The following SNX14 variants were observed in gnomAD, a reference collection of about 807,000 sequenced individuals.
The protein encoded by SNX14 is sorting nexin-14.
A neutral mutation model predicts 133.8 loss-of-function variants in SNX14; 93 were observed. The ratio of observed to expected loss-of-function variants is 0.70; its 90% CI spans 0.59 to 0.83. The LOEUF is 0.83. Ranked by LOEUF, SNX14 falls within the 40% of genes least tolerant of loss-of-function variation. The pLI is 0.00. For missense variants in SNX14, 945 were observed against 1,094.9 expected (o/e 0.86, Z 1.93); for synonymous variants, 368 against 365.6 (o/e 1.01, Z -0.07).
chr6:85,568,997 C>T (rs1465207690), intron 4 of SNX14, among the ~76,000 whole-genome samples: 1 of 150,876 alleles, frequency 6.6e-6, no homozygotes, highest in Non-Finnish European at 1.5e-5. Flanking sequence ...CGGAGTTTCA[C>T]TCTTCTTGCC....
intron 7 of SNX14, among the ~76,000 whole-genome samples, chr6:85,554,698 T>C (rs1789052260): frequency 6.6e-6 from 1 of 152,198 alleles, no homozygotes; most frequent in Non-Finnish European, 1.5e-5. Flanking sequence ...TCTAGCATTT[T>C]AGGGTGACTT....
chr6:85,540,583 G>A (rs990252550), intron 15 of SNX14, among the ~76,000 whole-genome samples: 1 of 152,106 alleles, frequency 6.6e-6, no homozygotes, highest in Non-Finnish European at 1.5e-5. Context: ...TGGTATTTTT[G>A]CAAATAATCC....
intron 1 of SNX14, among the ~76,000 whole-genome samples, chr6:85,590,234 C>T (rs926833494): frequency 6.6e-6 from 1 of 152,168 alleles, no homozygotes; most frequent in African/African-American, 2.4e-5. Flanking sequence ...TTAGACACTT[C>T]ATAGACAAGG....
intron 5 of SNX14, among the ~76,000 whole-genome samples, chr6:85,566,463 C>T (rs957521838): frequency 2.6e-5 from 4 of 151,626 alleles, no homozygotes; most frequent in Admixed American, 2.6e-4. Context: ...TTTGGGAGGC[C>T]GAGGTGGGTG....
chr6:85,548,194 T>C, intron 9 of SNX14, 107 bp downstream of exon 9: 1 of 769,686 alleles, frequency 1.3e-6, no homozygotes, highest in Non-Finnish European at 2.1e-6. Context: ...TGCACAACAA[T>C]ATGAATGTTT....
intron 1 of SNX14, chr6:85,581,839 G>A (rs1799153211): frequency 6.6e-6 from 1 of 152,078 alleles, no homozygotes; most frequent in African/African-American, 2.4e-5. Flanking sequence ...ACAACTAAAA[G>A]ATTGAAAAAA....
At chr6:85,567,652 T>G in intron 4 of SNX14, 75 bp from the exon 5 acceptor site, 1 of 923,630 alleles carries the variant, frequency 1.1e-6, no homozygotes. Context: ...CATTTGGGAA[T>G]ATGTAACATT....
chr6:85,558,139 G>A, intron 6 of SNX14, 79 bp from the exon 7 acceptor site: 3 of 709,332 alleles, frequency 4.2e-6, no homozygotes, highest in East Asian at 2.6e-5. Flanking sequence ...TTATGATATT[G>A]GAATATATCT....
At position 85,514,603 on chromosome 6, in the gene SNX14, A is replaced by G. The variant is rs1774155595; in HGVS notation, c.2295T>C (p.Asn765=). ...TCTCTGTATTTTCAGCACGGTTTGC[A>G]TTATTTTTAAACAGATCATTGAAAA... ...KKLFNDLFKN[N]ANRAENTERK... Residue 765 remains asparagine, a synonymous_variant, in exon 24 of 29, where the codon AAT becomes AAC. Transcript: ENST00000314673. 1 of 1,612,124 alleles carries G rather than the reference A, an allele frequency of 6.2e-7. No individual in the cohort carries two copies. The highest frequency in any genetic ancestry group is 1.3e-5 in the African/African-American group (1 of 74,898).
At chr6:85,556,415 G>T (rs6926049) in intron 7 of SNX14, among the ~76,000 whole-genome samples, 112,160 of 150,838 alleles carry the variant, frequency 0.74, 43,090 homozygotes, top group African/African-American at 0.94. Context: ...AAAAAAATTT[G>T]TTTTTAATTT....
intron 6 of SNX14, 57 bp from the exon 7 acceptor site, chr6:85,558,117 G>A (rs541653833): frequency 8.5e-6 from 7 of 821,366 alleles, no homozygotes; most frequent in African/African-American, 1.7e-5. Flanking sequence ...TACAATGGCA[G>A]GTACACTACA....
intron 6 of SNX14, among the ~76,000 whole-genome samples, chr6:85,561,669 C>A (rs759040369): frequency 1.3e-5 from 2 of 152,102 alleles, no homozygotes; most frequent in African/African-American, 4.8e-5. Flanking sequence ...AAAAAATCAG[C>A]ATCAGCCCAC....
intron 6 of SNX14, among the ~76,000 whole-genome samples, chr6:85,565,063 G>C (rs75540564): frequency 1.1e-3 from 160 of 151,956 alleles, no homozygotes; most frequent in African/African-American, 3.7e-3. Context: ...ATATTTGATA[G>C]AGCAGGGTGA....
intron 6 of SNX14, among the ~76,000 whole-genome samples, chr6:85,564,316 T>C (rs1208831261): frequency 6.6e-6 from 1 of 152,220 alleles, no homozygotes; most frequent in African/African-American, 2.4e-5. Context: ...CAAATGGTAT[T>C]TCTAGTTCTA....
chr6:85,548,556 G>T (rs1193789545), intron 8 of SNX14, among the ~76,000 whole-genome samples, 180 bp from the exon 9 acceptor site: 1 of 152,160 alleles, frequency 6.6e-6, no homozygotes, highest in Non-Finnish European at 1.5e-5. Context: ...CATGCTACTG[G>T]TTTGCAGAAC....
chr6:85,591,415 A>T (rs571813892), intron 1 of SNX14, among the ~76,000 whole-genome samples: 1 of 152,332 alleles, frequency 6.6e-6, no homozygotes, highest in East Asian at 1.9e-4. Context: ...CAGCAGTAAC[A>T]AATGGAAAAC....
At chr6:85,512,914 G>C (rs903794295) in intron 26 of SNX14, among the ~76,000 whole-genome samples, 1 of 152,070 alleles carries the variant, frequency 6.6e-6, no homozygotes, top group African/African-American at 2.4e-5. Flanking sequence ...TTGTTACTAG[G>C]ATGGAGTGAT....
chr6:85,539,481 A>T (rs1782939851), intron 15 of SNX14, among the ~76,000 whole-genome samples: 1 of 152,238 alleles, frequency 6.6e-6, no homozygotes, highest in Non-Finnish European at 1.5e-5. Context: ...GTATACAATG[A>T]AACAGAGAAC....
At chr6:85,506,232 T>A (rs1199613981) in intron 28 of SNX14, among the ~76,000 whole-genome samples, 1 of 152,206 alleles carries the variant, frequency 6.6e-6, no homozygotes, top group East Asian at 1.9e-4. Flanking sequence ...AAAGGTTTCC[T>A]GTTGTTGATT....
Sources: allele counts gnomAD v4.1 joint callset (sites outside exome capture counted in the v4.1 genomes callset), GRCh38; gene constraint gnomAD v4.1.1; transcripts MANE v1.5; gene names NCBI Gene and HGNC (gene_info 2026-07-23, HGNC 2026-07-21).